Variants in PHF24 observed in about 807,000 individuals in gnomAD.
PHF24 encodes the protein PHD finger protein 24, also known as Galpha inhibitory interacting protein.
In PHF24, 25 loss-of-function variants were observed where a neutral mutation model predicts 42.6. That is an observed-to-expected ratio of 0.59 (90% CI 0.43 to 0.82). The LOEUF (loss-of-function observed/expected upper bound fraction) is 0.82. PHF24 is among the 40% of genes least tolerant of loss of function. The pLI is 0.00. For missense variants in PHF24, 470 were observed against 538.1 expected, an observed-to-expected ratio of 0.87 and a Z score of 1.25; for synonymous variants, 185 against 204.8, an observed-to-expected ratio of 0.90 and a Z score of 0.83.
chr9:34,702,863 G>A, the PHF24 span, among the ~76,000 whole-genome samples: 1 of 152,290 alleles, frequency 6.6e-6, no homozygotes, highest in South Asian at 2.1e-4. Context: ...GGCAATTTCA[G>A]CATCCATAAA....
chr9:34,669,355 G>A, the PHF24 span, among the ~76,000 whole-genome samples: 32 of 151,950 alleles, frequency 2.1e-4, no homozygotes, highest in East Asian at 5.0e-3. Context: ...CCTCCGTACC[G>A]TTTAACCCCT....
At chr9:34,875,872 G>A in the PHF24 span, among the ~76,000 whole-genome samples, 1 of 145,464 alleles carries the variant, frequency 6.9e-6, no homozygotes, top group South Asian at 2.2e-4. Context: ...AACCTCCTAG[G>A]TCAATAGCCT....
chr9:34,743,043 C>A, the PHF24 span, among the ~76,000 whole-genome samples: 2 of 152,174 alleles, frequency 1.3e-5, no homozygotes, highest in African/African-American at 4.8e-5. Flanking sequence ...ATGTGGCTTG[C>A]AACAACACTG....
At chr9:34,918,166 A>G in the PHF24 span, 5 of 1,489,716 alleles carry the variant, frequency 3.4e-6, no homozygotes, top group African/African-American at 1.4e-5. Flanking sequence ...ACTGTCGGCC[A>G]GGAGAAGAAG....
the PHF24 span, among the ~76,000 whole-genome samples, chr9:34,844,996 G>A: frequency 6.6e-6 from 1 of 151,778 alleles, no homozygotes; most frequent in South Asian, 2.1e-4. Flanking sequence ...ATATATTTAG[G>A]TGCTCCAATA....
the PHF24 span, among the ~76,000 whole-genome samples, chr9:34,878,349 T>C: frequency 6.6e-6 from 1 of 152,032 alleles, no homozygotes; most frequent in African/African-American, 2.4e-5. Flanking sequence ...AGGTACCGGG[T>C]TCATCTCACT....
At chr9:34,833,128 C>T in the PHF24 span, 2 of 1,551,466 alleles carry the variant, frequency 1.3e-6, no homozygotes, top group Admixed American at 2.0e-5. Context: ...CTCTGTAGTC[C>T]CTGGCTGCTT....
chr9:34,825,257 A>G, the PHF24 span, among the ~76,000 whole-genome samples: 84,800 of 150,986 alleles, frequency 0.56, 24,918 homozygotes, highest in Non-Finnish European at 0.65. Flanking sequence ...TGATGGGTGT[A>G]TAGGCGAAGG....
At chr9:34,897,478 A>G in the PHF24 span, among the ~76,000 whole-genome samples, 3 of 152,270 alleles carry the variant, frequency 2.0e-5, no homozygotes, top group South Asian at 2.1e-4. Context: ...TTATTCATAA[A>G]TGAATGCCCT....
chr9:34,959,565 C>G (rs1826516726), intron 1 of PHF24, among the ~76,000 whole-genome samples: 1 of 152,166 alleles, frequency 6.6e-6, no homozygotes, highest in African/African-American at 2.4e-5. Context: ...TAGGGTTTTG[C>G]AGTGGTACAA....
the PHF24 span, chr9:34,728,490 G>A: frequency 1.1e-6 from 1 of 911,834 alleles, no homozygotes; most frequent in Admixed American, 2.7e-5. Context: ...TTTCAGTCTG[G>A]GGAACTGGAG....
the PHF24 span, among the ~76,000 whole-genome samples, chr9:34,683,891 T>C: frequency 6.6e-6 from 1 of 152,214 alleles, no homozygotes; most frequent in Non-Finnish European, 1.5e-5. Context: ...GGGCCCCAGT[T>C]GTCTGGACAT....
At chr9:34,681,000 C>T in the PHF24 span, 1 of 152,144 alleles carries the variant, frequency 6.6e-6, no homozygotes, top group African/African-American at 2.4e-5. Context: ...GCTGTGTGAC[C>T]CACTTTGGCC....
the PHF24 span, among the ~76,000 whole-genome samples, chr9:34,692,768 A>G: frequency 6.8e-6 from 1 of 146,688 alleles, no homozygotes; most frequent in East Asian, 2.0e-4. Context: ...TCTGTTAGCC[A>G]TTGTTCTTCT....
chr9:34,972,615 C>T, intron 3 of PHF24, 84 bp downstream of exon 3: 1 of 1,373,754 alleles, frequency 7.3e-7, no homozygotes, highest in Non-Finnish European at 9.8e-7. Context: ...TAGGCAGTGA[C>T]CTAAAGAATT....
chr9:34,743,142 C>G, the PHF24 span, among the ~76,000 whole-genome samples: 1 of 152,178 alleles, frequency 6.6e-6, no homozygotes, highest in Non-Finnish European at 1.5e-5. Context: ...CAAGCATGTC[C>G]TATAGGCTCA....
At chr9:34,857,245 TG>T in the PHF24 span, among the ~76,000 whole-genome samples, 4 of 151,960 alleles carry the variant, frequency 2.6e-5, no homozygotes, top group Admixed American at 2.6e-4. Context: ...GCCATGGGAG[TG>T]GGGCCCGTGG....
upstream of PHF24, among the ~76,000 whole-genome samples, chr9:34,957,359 G>A (rs764425608): frequency 2.6e-5 from 4 of 152,044 alleles, no homozygotes; most frequent in African/African-American, 4.8e-5. Context: ...TAAATTAAAG[G>A]GCTCTCGACA....
At chr9:34,680,687 C>A in the PHF24 span, among the ~76,000 whole-genome samples, 83 of 124,592 alleles carry the variant, frequency 6.7e-4, no homozygotes, top group East Asian at 1.5e-3. Context: ...GACTCCGTCT[C>A]AAAAAAAAAA....
Sources: gnomAD v4.1 joint callset for allele counts (sites outside exome capture counted in the v4.1 genomes callset) on GRCh38, gnomAD v4.1.1 for gene constraint, MANE v1.5 for transcripts, NCBI Gene and HGNC (gene_info 2026-07-23, HGNC 2026-07-21) for gene names.